KIF17: variants seen among roughly 807,000 people sequenced by gnomAD.
KIF17 encodes the protein kinesin-like protein KIF17.
KIF17 carries 80 observed loss-of-function variants against 96.8 expected under a neutral mutation model. The ratio of observed to expected loss-of-function variants is 0.83; its 90% confidence interval spans 0.69 to 1.00. The LOEUF is 1.00. Ranked by LOEUF, KIF17 falls within the 50% of genes least tolerant of loss-of-function variation. The pLI is 0.00. For synonymous variants in KIF17, 567 were observed against 587.5 expected (o/e 0.97, Z 0.51); for missense variants, 1,280 against 1,372.9 (o/e 0.93, Z 1.07).
At chr1:20,680,496 G>A (rs57185544) in intron 11 of KIF17, among the ~76,000 whole-genome samples, 4,895 of 152,254 alleles carry the variant, frequency 0.032, 244 homozygotes, top group African/African-American at 0.1. Flanking sequence ...AGGATTGTTT[G>A]AGCCCAAGGG....
At position 20,694,919 on chromosome 1, in the gene KIF17, T is replaced by C. The variant is rs1440866683; in HGVS notation, c.1233+3460A>G. Among the ~76,000 whole-genome samples the C allele has an allele frequency of 2.0e-5, 3 of 152,074 alleles. No homozygotes were observed. In the East Asian group the frequency reaches 5.8e-4, roughly 29 times the overall value. On this transcript the variant is annotated intron_variant, in intron 6 of 14. Coordinates refer to ENST00000400463, the MANE Select transcript of KIF17 (RefSeq NM_001122819.3). ...ATCCCTGACTCCCTCACCCAGCCCC[T>C]CTATTGTTTTCTCCCAGCACAGCCC...
Position 20,698,400 on chromosome 1 carries a change from G to T in KIF17, c.1212C>A (p.Ala404=), listed in dbSNP as rs753244313. Residue 404 remains alanine, a synonymous_variant, in exon 6 of 15, where the codon GCC becomes GCA. Transcript: ENST00000400463. ...TCACCTCCCGGATCAGCTGCTTCTC[G>T]GCCTCCACGTCATGCTGGATCACAG... ...PQPVIQHDVE[A]EKQLIREEYE... The T allele has an allele frequency of 2.5e-6, 4 of 1,613,530 alleles. No individual in the cohort carries two copies. The highest frequency in any genetic ancestry group is 3.4e-6 in the Non-Finnish European group (4 of 1,179,720).
At chr1:20,671,070 G>A (rs977445910) in intron 12 of KIF17, among the ~76,000 whole-genome samples, 13 of 152,284 alleles carry the variant, frequency 8.5e-5, no homozygotes, top group Admixed American at 3.3e-4. Flanking sequence ...CAGCAAGAGC[G>A]GAAGTGGAAC....
At chr1:20,666,378 C>T in intron 13 of KIF17, 47 bp from the exon 14 acceptor site, 4 of 1,435,762 alleles carry the variant, frequency 2.8e-6, no homozygotes, top group Non-Finnish European at 3.9e-6. Flanking sequence ...GTTTGTGCCC[C>T]TGGCACAGGG....
intron 3 of KIF17, among the ~76,000 whole-genome samples, chr1:20,712,003 C>T (rs368716794): frequency 6.6e-6 from 1 of 152,274 alleles, no homozygotes; most frequent in East Asian, 1.9e-4. Context: ...GCCCGGTGAC[C>T]TCTGGAGTGT....
In KIF17 at chr1:20,687,412, T is replaced by C; in HGVS notation, c.1914A>G (p.Ala638=). 1 of 1,613,580 alleles carries C rather than the reference T, an allele frequency of 6.2e-7. No individual in the cohort carries two copies. The highest frequency in any genetic ancestry group is 8.5e-7 in the Non-Finnish European group (1 of 1,180,022). Residue 638 remains alanine, a synonymous_variant, in exon 8 of 15, where the codon GCA becomes GCG. Coordinates refer to ENST00000400463, the MANE Select transcript of KIF17 (RefSeq NM_001122819.3). This position sits in a 1 kb window ranked among gnomAD's most constrained non-coding sequence, Gnocchi z 4.4. ...CCTGCACAGGGACCTTGGGGACGTC[T>C]GCCTGGGGTGCATCTGTCCTGGCCA... is the stretch of plus-strand genomic sequence containing the variant. ...STVARTDAPQ[A]DVPKVPVQVP...
chr1:20,684,792 C>A lies in KIF17; in HGVS notation c.2231+17G>T, dbSNP rs2154535904. On this transcript the variant is annotated intron_variant, in intron 10 of 14. Transcript: ENST00000400463. ...CCTCACCGTGGGGTCCCGCCAGCCC[C>A]ATGCTCTGCTGCTTACCGGGCCAGC... 6.4e-7 allele frequency: 1 copy of A among 1,559,804 alleles called. No homozygotes were observed. Among genetic ancestry groups the A allele is most frequent in the Non-Finnish European group, 8.7e-7 (1 of 1,152,460 alleles).
intron 3 of KIF17, among the ~76,000 whole-genome samples, chr1:20,712,168 C>T (rs961153845): frequency 2.0e-5 from 3 of 152,030 alleles, no homozygotes; most frequent in Non-Finnish European, 2.9e-5. Flanking sequence ...AGGGTAGTGA[C>T]GAAGGGGAGG....
chr1:20,664,424 T>G lies in KIF17; in HGVS notation c.*160A>C. On this transcript the variant is annotated 3_prime_UTR_variant, in exon 15 of 15. Coordinates refer to ENST00000400463, the MANE Select transcript of KIF17 (RefSeq NM_001122819.3). ...TCCTGCCCAGGGCGGAGGTGGGCTC[T>G]CTGGGGAACAGGGAAGGGAATGTGT... 1 of 1,534,000 alleles carries G rather than the reference T, an allele frequency of 6.5e-7. No individual in the cohort carries two copies. Among genetic ancestry groups the G allele is most frequent in the Middle Eastern group, 2.3e-4 (1 of 4,300 alleles).
In KIF17 at chr1:20,695,684, G is replaced by C. The variant is rs187932335; in HGVS notation, c.1233+2695C>G. 1.2e-3 allele frequency among the ~76,000 whole-genome samples: 175 copies of C among 152,026 alleles called. 1 individual carries two copies. The highest frequency in any genetic ancestry group is 4.1e-3 in the African/African-American group (168 of 41,476). On this transcript the variant is annotated intron_variant, in intron 6 of 14. Coordinates refer to ENST00000400463, the MANE Select transcript of KIF17 (RefSeq NM_001122819.3). ...TTCCCACCCACCTGGAGATCTACCC[G>C]GAAGCTCCACCTCCTCTGAACCCAC...
At chr1:20,686,264 GAGA>G (rs952969344) in intron 8 of KIF17, 138 bp from the exon 9 acceptor site, 45 of 732,710 alleles carry the variant, frequency 6.1e-5, no homozygotes, top group Admixed American at 8.0e-5. Flanking sequence ...TCACTCCCGA[GAGA>G]AGGAGCACAA....
chr1:20,690,929 C>T (rs1174785626), intron 6 of KIF17, among the ~76,000 whole-genome samples: 9 of 152,034 alleles, frequency 5.9e-5, no homozygotes, highest in Non-Finnish European at 8.8e-5. Context: ...CCTCGTGATC[C>T]ACCCGCCTTG....
At chr1:20,666,415 A>C in intron 13 of KIF17, 84 bp from the exon 14 acceptor site, 1 of 1,120,676 alleles carries the variant, frequency 8.9e-7, no homozygotes, top group South Asian at 1.2e-5. Context: ...ATCCTGGGGC[A>C]GTGGGGGCCG....
At chr1:20,671,000 T>C (rs1475412686) in intron 12 of KIF17, among the ~76,000 whole-genome samples, 1 of 152,172 alleles carries the variant, frequency 6.6e-6, no homozygotes, top group Non-Finnish European at 1.5e-5. Context: ...ATCCAACCCC[T>C]TCTTTGTAAA....
chr1:20,708,159 C>T (rs764629560), intron 4 of KIF17, among the ~76,000 whole-genome samples: 1 of 152,132 alleles, frequency 6.6e-6, no homozygotes, highest in African/African-American at 2.4e-5. Flanking sequence ...CTGCCCCTCC[C>T]TGAGCTGCAG....
chr1:20,685,061 C>T lies in KIF17; in HGVS notation c.2020-41G>A. The T allele has an allele frequency of 6.7e-7, 1 of 1,503,542 alleles. No individual in the cohort carries two copies. Among genetic ancestry groups the T allele is most frequent in the Non-Finnish European group, 9.1e-7 (1 of 1,102,516 alleles). 93.1% of individuals were successfully genotyped at this position (1,503,542 alleles called of 1,614,324 possible). On this transcript the variant is annotated intron_variant, in intron 9 of 14. Coordinates refer to ENST00000400463, the MANE Select transcript of KIF17 (RefSeq NM_001122819.3). The surrounding 1 kb of genome is among the most constrained non-coding windows in gnomAD (Gnocchi z 4.1). ...AACCCAGGTGGAGGTGGGAAGGCCG[C>T]CCCAACCCCCGCCGACAGCTCCCAG...
intron 8 of KIF17, 187 bp from the exon 9 acceptor site, chr1:20,686,313 A>C (rs1431774130): frequency 1.5e-6 from 1 of 646,748 alleles, no homozygotes; most frequent in African/African-American, 1.8e-5. Flanking sequence ...CAGGGAAGAG[A>C]GGAAACGGAA....
At position 20,665,217 on chromosome 1, in the gene KIF17, CTCTT is replaced by C. The variant is rs1263767375; in HGVS notation, c.2909-459_2909-456del. Among the ~76,000 whole-genome samples the C allele has an allele frequency of 1.4e-3, 87 of 63,670 alleles. 1 individual carries two copies. Among genetic ancestry groups the C allele is most frequent in the Non-Finnish European group, 2.2e-3 (73 of 32,604 alleles). 41.8% of individuals were successfully genotyped at this position (63,670 alleles called of 152,430 possible). A position where few individuals can be genotyped will look rare whatever the true frequency, so the allele number is the denominator to read the frequency against. ...CCTCAATATATAGAACTCAAATTTG[CTCTT>C]TTTTTTTTTTTTTTTTTTTTTTTTT... is the stretch of plus-strand genomic sequence containing the variant. On this transcript the variant is annotated intron_variant, in intron 14 of 14. Transcript: ENST00000400463.
chr1:20,690,350 G>GC lies in KIF17; in HGVS notation c.1234-16_1234-15insG. On this transcript the variant is annotated splice_polypyrimidine_tract_variant and intron_variant, in intron 6 of 14. Coordinates refer to ENST00000400463, the MANE Select transcript of KIF17 (RefSeq NM_001122819.3). ...TCTTCATACTCCTGGGGGGGTGGGA[G>GC]GGACCAGAGGGCAGGCAGCATTTTA... The GC allele has an allele frequency of 1.6e-6, 1 of 620,230 alleles. No individual in the cohort carries two copies. The highest frequency in any genetic ancestry group is 2.9e-6 in the Non-Finnish European group (1 of 342,332). 38.4% of individuals were successfully genotyped at this position (620,230 alleles called of 1,614,324 possible). A position where few individuals can be genotyped will look rare whatever the true frequency, so the allele number is the denominator to read the frequency against.
Sources: allele counts gnomAD v4.1 joint callset (sites outside exome capture counted in the v4.1 genomes callset), GRCh38; gene constraint gnomAD v4.1.1; non-coding constraint Gnocchi (gnomAD v3.1); transcripts MANE v1.5; gene names NCBI Gene and HGNC (gene_info 2026-07-23, HGNC 2026-07-21).